Variants in ST6GALNAC3 observed in about 807,000 individuals in gnomAD.
ST6GALNAC3 encodes ST6 N-acetylgalactosaminide alpha-2,6-sialyltransferase 3.
A neutral mutation model predicts 32.7 loss-of-function variants in ST6GALNAC3; 25 were observed. The observed-to-expected ratio is 0.76, with a 90% CI of 0.56 to 1.07. ST6GALNAC3 has a LOEUF of 1.07. ST6GALNAC3 is among the 50% of genes least tolerant of loss of function. The probability of loss-of-function intolerance (pLI) is 0.00; values close to 1 mark genes in which losing one functional copy is unlikely to be tolerated. For synonymous variants in ST6GALNAC3, 129 were observed against 133.1 expected (o/e 0.97, Z 0.21); for missense variants, 355 against 382.4 (o/e 0.93, Z 0.60).
chr1:76,327,566 T>A (rs1166044393), intron 2 of ST6GALNAC3, among the ~76,000 whole-genome samples: 1 of 152,168 alleles, frequency 6.6e-6, no homozygotes, highest in African/African-American at 2.4e-5. Flanking sequence ...GACATAAATG[T>A]TAATCTCATC....
chr1:76,597,733 T>A (rs1259123641), intron 3 of ST6GALNAC3, among the ~76,000 whole-genome samples: 1 of 152,258 alleles, frequency 6.6e-6, no homozygotes, highest in African/African-American at 2.4e-5. Context: ...GTAGAGAGCT[T>A]CTGTTTTTTA....
At chr1:76,267,218 A>G (rs1223741903) in intron 1 of ST6GALNAC3, among the ~76,000 whole-genome samples, 1 of 152,172 alleles carries the variant, frequency 6.6e-6, no homozygotes, top group East Asian at 1.9e-4. Flanking sequence ...CAACCCCTTG[A>G]TCATGACCCC....
intron 1 of ST6GALNAC3, among the ~76,000 whole-genome samples, chr1:76,282,861 T>G (rs1659572212): frequency 8.4e-6 from 1 of 119,726 alleles, no homozygotes; most frequent in Non-Finnish European, 1.7e-5. Flanking sequence ...ACATCCCATC[T>G]CTACTAAAAA....
intron 1 of ST6GALNAC3, among the ~76,000 whole-genome samples, chr1:76,244,793 T>C (rs1657165369): frequency 1.3e-5 from 2 of 152,204 alleles, no homozygotes; most frequent in Admixed American, 1.3e-4. Flanking sequence ...GGGATGAAGC[T>C]GACTTGATCA....
At chr1:76,412,439 T>G (rs1489883436) in intron 3 of ST6GALNAC3, 22 bp downstream of exon 3, 2 of 1,551,788 alleles carry the variant, frequency 1.3e-6, no homozygotes, top group Non-Finnish European at 1.7e-6. Flanking sequence ...CTGAAGCAGC[T>G]TTATTGTCTT....
chr1:76,358,293 A>T (rs140247743), intron 2 of ST6GALNAC3, among the ~76,000 whole-genome samples: 1 of 152,184 alleles, frequency 6.6e-6, no homozygotes, highest in Non-Finnish European at 1.5e-5. Context: ...AGAACTTCCA[A>T]CTACCAACTC....
chr1:76,630,689 C>T lies in ST6GALNAC3; in HGVS notation c.*1883C>T, dbSNP rs1649250661. The T allele has an allele frequency of 1.0e-6, 1 of 985,544 alleles. No homozygotes were observed. 61.0% of individuals were successfully genotyped at this position (985,544 alleles called of 1,614,324 possible). Reference sequence around the variant, plus strand: ...TGGATAAAGGCCTTTTGCCTACTCTCTTCTGCAATTTTGACACCTCAATAT... The same window carrying T: ...TGGATAAAGGCCTTTTGCCTACTCTTTTCTGCAATTTTGACACCTCAATAT... On this transcript the variant is annotated 3_prime_UTR_variant, in exon 5 of 5. Transcript: ENST00000328299.
At chr1:76,441,098 A>AAAAT (rs1438854942) in intron 3 of ST6GALNAC3, among the ~76,000 whole-genome samples, 3 of 138,176 alleles carry the variant, frequency 2.2e-5, no homozygotes, top group African/African-American at 3.5e-5. Context: ...CAAAAAAAAA[A>AAAAT]AAAAAAAAAA....
intron 2 of ST6GALNAC3, among the ~76,000 whole-genome samples, chr1:76,355,250 A>C (rs1649341718): frequency 6.6e-6 from 1 of 152,232 alleles, no homozygotes; most frequent in Non-Finnish European, 1.5e-5. Flanking sequence ...CTTTTAAAGA[A>C]AACATTTTAT....
chr1:76,380,515 G>C, intron 2 of ST6GALNAC3, among the ~76,000 whole-genome samples: 1 of 152,114 alleles, frequency 6.6e-6, no homozygotes, highest in East Asian at 1.9e-4. Context: ...GTACATAAAT[G>C]TTTATAGCAG....
chr1:76,407,483 A>G (rs1221697433), intron 2 of ST6GALNAC3, among the ~76,000 whole-genome samples: 1 of 152,016 alleles, frequency 6.6e-6, no homozygotes, highest in African/African-American at 2.4e-5. Context: ...TAGACCTTAA[A>G]TAAAAGGAAG....
intron 1 of ST6GALNAC3, among the ~76,000 whole-genome samples, chr1:76,195,249 AT>A (rs1283863651): frequency 5.9e-5 from 9 of 152,224 alleles, no homozygotes; most frequent in Non-Finnish European, 2.9e-5. Flanking sequence ...CCACATATAA[AT>A]AACTTTACTT....
intron 2 of ST6GALNAC3, among the ~76,000 whole-genome samples, chr1:76,386,031 T>G (rs1057202457): frequency 1.3e-5 from 2 of 152,120 alleles, no homozygotes; most frequent in Non-Finnish European, 1.5e-5. Flanking sequence ...TTACTTTCAC[T>G]AGGATCTTTA....
At chr1:76,604,326 C>T (rs1045496250) in intron 3 of ST6GALNAC3, among the ~76,000 whole-genome samples, 6 of 152,132 alleles carry the variant, frequency 3.9e-5, no homozygotes, top group Non-Finnish European at 5.9e-5. Flanking sequence ...CTTAGAAATT[C>T]GTAAGTAAGC....
chr1:76,557,375 G>A (rs969508243), intron 3 of ST6GALNAC3, among the ~76,000 whole-genome samples: 12 of 151,880 alleles, frequency 7.9e-5, no homozygotes, highest in South Asian at 4.2e-4. Context: ...TTGAATTTCC[G>A]TGTGAATTTT....
At chr1:76,156,777 G>T (rs1472922796) in intron 1 of ST6GALNAC3, among the ~76,000 whole-genome samples, 1 of 152,176 alleles carries the variant, frequency 6.6e-6, no homozygotes, top group African/African-American at 2.4e-5. Flanking sequence ...TCTCGCCCAG[G>T]CTGGAGTACA....
chr1:76,549,642 A>T (rs1418645499), intron 3 of ST6GALNAC3, among the ~76,000 whole-genome samples: 1 of 152,168 alleles, frequency 6.6e-6, no homozygotes, highest in Non-Finnish European at 1.5e-5. Flanking sequence ...GCCACATACA[A>T]TTAACATTCT....
chr1:76,568,782 A>G (rs1343783390), intron 3 of ST6GALNAC3, among the ~76,000 whole-genome samples: 2 of 152,198 alleles, frequency 1.3e-5, no homozygotes, highest in East Asian at 3.9e-4. Context: ...CTGCTCATGT[A>G]TCAAAGCAAA....
chr1:76,109,603 C>G (rs1051866041), intron 1 of ST6GALNAC3, among the ~76,000 whole-genome samples: 2 of 152,194 alleles, frequency 1.3e-5, no homozygotes, highest in Non-Finnish European at 2.9e-5. Flanking sequence ...CATGTGAAGA[C>G]CAGCTTCCTC....
Sources: gnomAD v4.1 joint callset for allele counts (sites outside exome capture counted in the v4.1 genomes callset) on GRCh38, gnomAD v4.1.1 for gene constraint, MANE v1.5 for transcripts, NCBI Gene and HGNC (gene_info 2026-07-23, HGNC 2026-07-21) for gene names.